Variants in RALYL observed in about 807,000 individuals in gnomAD.
RALYL encodes the protein RALY RNA binding protein like, also known as RNA-binding Raly-like protein.
In RALYL, 29 loss-of-function variants were observed where a neutral mutation model predicts 35.1. The observed-to-expected ratio is 0.83, with a 90% CI of 0.61 to 1.13. The LOEUF is 1.13. Among genes scored for constraint, RALYL ranks in the 50% most tolerant of loss-of-function variants. The pLI is 0.00. For synonymous variants in RALYL, 120 were observed against 127.6 expected, an observed-to-expected ratio of 0.94 and a Z score of 0.40; for missense variants, 359 against 360.4, an observed-to-expected ratio of 1.00 and a Z score of 0.03.
chr8:84,737,864 A>G (rs1369702059), intron 2 of RALYL, among the ~76,000 whole-genome samples: 1 of 152,010 alleles, frequency 6.6e-6, no homozygotes, highest in Non-Finnish European at 1.5e-5. Flanking sequence ...GCATGCTCTT[A>G]CCAGACACAG....
chr8:84,682,283 TTATTGG>T (rs775826247), intron 2 of RALYL, among the ~76,000 whole-genome samples: 11 of 152,066 alleles, frequency 7.2e-5, no homozygotes, highest in Non-Finnish European at 1.2e-4. Context: ...TTCATCAGGG[TTATTGG>T]TCTAAAATTC....
intron 1 of RALYL, among the ~76,000 whole-genome samples, chr8:84,387,353 T>G (rs1347499749): frequency 6.6e-6 from 1 of 151,890 alleles, no homozygotes; most frequent in Non-Finnish European, 1.5e-5. Context: ...CATCTTGTGG[T>G]TTGATTCAAC....
intron 1 of RALYL, among the ~76,000 whole-genome samples, chr8:84,439,098 G>T (rs1255437468): frequency 6.6e-6 from 1 of 151,872 alleles, no homozygotes; most frequent in Non-Finnish European, 1.5e-5. Context: ...GTTAATTTTA[G>T]ATTTTTTTTT....
chr8:84,730,762 C>T (rs374099184), intron 2 of RALYL, among the ~76,000 whole-genome samples: 1 of 152,050 alleles, frequency 6.6e-6, no homozygotes, highest in Non-Finnish European at 1.5e-5. Context: ...ATTAATCTAA[C>T]AGCAGCATGT....
chr8:84,484,379 A>T (rs192449434), intron 1 of RALYL, among the ~76,000 whole-genome samples: 1 of 152,184 alleles, frequency 6.6e-6, no homozygotes, highest in African/African-American at 2.4e-5. Context: ...TATGACAGAG[A>T]TATATTTTAA....
rs181133597 is a variant in RALYL at position 84,225,681 on chromosome 8, A to G, written c.-24+41257A>G. On this transcript the variant is annotated intron_variant, in intron 1 of 8. Transcript: ENST00000521268. ...TATTCCATCTACTAACAGAAGCTTTATTTGGCCTCAAACTTGTGTGACTGC... is the reference window on the plus strand; with the variant it reads ...TATTCCATCTACTAACAGAAGCTTTGTTTGGCCTCAAACTTGTGTGACTGC... Among the ~76,000 whole-genome samples, 55 of 152,144 alleles carry G rather than the reference A, an allele frequency of 3.6e-4. 2 individuals are homozygous for G. Among genetic ancestry groups the G allele is most frequent in the African/African-American group, 1.3e-3 (53 of 41,526 alleles).
At chr8:84,425,325 G>A (rs560195443) in intron 1 of RALYL, among the ~76,000 whole-genome samples, 17 of 152,158 alleles carry the variant, frequency 1.1e-4, no homozygotes, top group South Asian at 2.1e-4. Flanking sequence ...AGGTGCGTCC[G>A]TCACCCCTTT....
intron 1 of RALYL, among the ~76,000 whole-genome samples, chr8:84,205,380 T>C (rs2131069728): frequency 6.6e-6 from 1 of 152,278 alleles, no homozygotes; most frequent in East Asian, 1.9e-4. Context: ...AGAAACCAAC[T>C]GCATGAAACC....
chr8:84,493,036 C>T (rs1209792798), intron 1 of RALYL, among the ~76,000 whole-genome samples: 3 of 152,068 alleles, frequency 2.0e-5, no homozygotes, highest in Non-Finnish European at 4.4e-5. Context: ...GCCCCGCATG[C>T]ATTAACTATT....
chr8:84,468,401 G>A (rs984116394), intron 1 of RALYL, among the ~76,000 whole-genome samples: 5 of 151,178 alleles, frequency 3.3e-5, no homozygotes, highest in African/African-American at 1.2e-4. Flanking sequence ...CTTCACTTAT[G>A]AAGCTTAGTT....
In RALYL at chr8:84,452,228, T is replaced by G. The variant is rs114733858; in HGVS notation, c.-23-77071T>G. On this transcript the variant is annotated intron_variant, in intron 1 of 8. Transcript: ENST00000521268. ...GGGTGACAGCTTGGTTTGTTGTTGA[T>G]ACTACTTTTTTTTTTTTTCCCCTAA... 3.5e-3 allele frequency among the ~76,000 whole-genome samples: 486 copies of G among 137,602 alleles called. 4 individuals are homozygous for G. The highest frequency in any genetic ancestry group is 0.013 in the African/African-American group (474 of 36,728). The allele number at this position is 137,602 out of a possible 152,430, so 90.3% of individuals were successfully genotyped here. A position where few individuals can be genotyped will look rare whatever the true frequency, so the allele number is the denominator to read the frequency against.
At chr8:84,468,735 G>C (rs1402122247) in intron 1 of RALYL, among the ~76,000 whole-genome samples, 9 of 151,352 alleles carry the variant, frequency 5.9e-5, no homozygotes, top group Non-Finnish European at 7.4e-5. Flanking sequence ...ATCCTGCAGA[G>C]TGTTTTCCAA....
intron 2 of RALYL, among the ~76,000 whole-genome samples, chr8:84,619,288 G>T (rs1027007054): frequency 1.3e-5 from 2 of 151,776 alleles, no homozygotes; most frequent in African/African-American, 4.9e-5. Flanking sequence ...CGTGTTGGGT[G>T]CATATATATT....
chr8:84,488,279 G>T (rs990853949), intron 1 of RALYL, among the ~76,000 whole-genome samples: 5 of 151,984 alleles, frequency 3.3e-5, no homozygotes, highest in Non-Finnish European at 7.4e-5. Context: ...CCAATTAATT[G>T]CATGAGTTAT....
chr8:84,628,878 C>G (rs1208231361), intron 2 of RALYL, among the ~76,000 whole-genome samples: 1 of 151,882 alleles, frequency 6.6e-6, no homozygotes, highest in Non-Finnish European at 1.5e-5. Flanking sequence ...GGTGAAAGAT[C>G]TTATTTCAGA....
chr8:84,578,468 G>C (rs931069690), intron 2 of RALYL, among the ~76,000 whole-genome samples: 1 of 152,222 alleles, frequency 6.6e-6, no homozygotes, highest in Non-Finnish European at 1.5e-5. Flanking sequence ...TTGTGTTACA[G>C]CTTTTTCAGT....
chr8:84,643,225 C>A (rs1178655877), intron 2 of RALYL, among the ~76,000 whole-genome samples: 3 of 151,744 alleles, frequency 2.0e-5, no homozygotes, highest in South Asian at 2.1e-4. Flanking sequence ...CTGAACCAAC[C>A]AAAACCCCAA....
chr8:84,550,286 G>A (rs759064306), intron 2 of RALYL, among the ~76,000 whole-genome samples: 3 of 151,340 alleles, frequency 2.0e-5, no homozygotes, highest in Non-Finnish European at 4.4e-5. Context: ...ATCTTCACAA[G>A]CTATAAAAAC....
rs564121740 is a variant in RALYL at position 84,828,953 on chromosome 8, TA to T, written c.366-21015del. 519 of 142,536 alleles carry T rather than the reference TA, an allele frequency of 3.6e-3. 1 individual carries two copies. Among genetic ancestry groups the T allele is most frequent in the Middle Eastern group, 0.011 (3 of 274 alleles). 8.8% of individuals were successfully genotyped at this position (142,536 alleles called of 1,614,324 possible). ...GTGGCAGTTCGCTGACCCACTACCT[TA>T]AAAAAAAAAAACCCTAGGTTAGTTA... On this transcript the variant is annotated intron_variant, in intron 4 of 8. Coordinates refer to ENST00000521268, the MANE Select transcript of RALYL (RefSeq NM_173848.7).
Sources: gnomAD v4.1 joint callset for allele counts (sites outside exome capture counted in the v4.1 genomes callset) on GRCh38, gnomAD v4.1.1 for gene constraint, MANE v1.5 for transcripts, NCBI Gene and HGNC (gene_info 2026-07-23, HGNC 2026-07-21) for gene names.